Variants in LTBP1 observed in about 807,000 individuals in gnomAD.
The protein encoded by LTBP1 is latent transforming growth factor beta binding protein 1, also known as latent-transforming growth factor beta-binding protein 1.
LTBP1 carries 129 observed loss-of-function variants against 207.6 expected under a neutral mutation model. The observed-to-expected ratio is 0.62, with a 90% confidence interval of 0.54 to 0.72. The LOEUF is 0.72. Ranked by LOEUF, LTBP1 falls within the 30% of genes least tolerant of loss-of-function variation. The pLI, the probability that LTBP1 is intolerant of heterozygous loss-of-function variation, is 0.00. For missense variants in LTBP1, 2,281 were observed against 2,217.2 expected, an observed-to-expected ratio of 1.03 and a Z score of -0.58; for synonymous variants, 963 against 833.7, an observed-to-expected ratio of 1.16 and a Z score of -2.67.
At chr2:33,291,834 G>A (rs2093780514) in intron 19 of LTBP1, 2 of 152,206 alleles carry the variant, frequency 1.3e-5, no homozygotes, top group African/African-American at 2.4e-5. Flanking sequence ...ATGCAATCTA[G>A]ACTCTGGGTT....
At chr2:33,285,412 T>A (rs929443706) in intron 19 of LTBP1, among the ~76,000 whole-genome samples, 2 of 151,738 alleles carry the variant, frequency 1.3e-5, no homozygotes, top group Non-Finnish European at 2.9e-5. Flanking sequence ...TTAATTCTTC[T>A]TATGTCATTG....
intron 31 of LTBP1, among the ~76,000 whole-genome samples, chr2:33,381,763 A>AT (rs942505633): frequency 6.6e-6 from 1 of 152,074 alleles, no homozygotes; most frequent in Non-Finnish European, 1.5e-5. Context: ...GTATTTAATA[A>AT]TTTTTTTCCC....
At chr2:33,146,678 A>G (rs574389255) in intron 5 of LTBP1, among the ~76,000 whole-genome samples, 33 of 152,320 alleles carry the variant, frequency 2.2e-4, no homozygotes, top group African/African-American at 7.7e-4. Flanking sequence ...GAAGCTTACA[A>G]TCATGGTGGA....
intron 9 of LTBP1, among the ~76,000 whole-genome samples, chr2:33,228,591 T>C: frequency 6.6e-6 from 1 of 151,890 alleles, no homozygotes; most frequent in Admixed American, 6.6e-5. Context: ...AACAATCCTA[T>C]GAGATTTGGG....
chr2:33,217,454 G>A, intron 7 of LTBP1, 98 bp from the exon 8 acceptor site: 1 of 671,174 alleles, frequency 1.5e-6, no homozygotes, highest in South Asian at 2.1e-5. Flanking sequence ...CGATAACAAG[G>A]GAACTGGTTT....
chr2:33,149,075 C>T (rs1001238335), intron 5 of LTBP1, among the ~76,000 whole-genome samples: 6 of 151,742 alleles, frequency 4.0e-5, no homozygotes, highest in Non-Finnish European at 5.9e-5. Flanking sequence ...ATTAGCTGGG[C>T]GTGGTGGCAG....
At chr2:33,019,101 G>A (rs1371830602) in intron 2 of LTBP1, among the ~76,000 whole-genome samples, 1 of 152,062 alleles carries the variant, frequency 6.6e-6, no homozygotes, top group Non-Finnish European at 1.5e-5. Context: ...TGTTCGTTTT[G>A]CTTGTCTATT....
intron 7 of LTBP1, among the ~76,000 whole-genome samples, chr2:33,216,568 A>G (rs1222433359): frequency 1.3e-5 from 2 of 152,136 alleles, no homozygotes; most frequent in Admixed American, 6.5e-5. Flanking sequence ...TTGTCTTTGG[A>G]AAGACAACTC....
At chr2:33,350,269 T>G (rs1309691817) in intron 26 of LTBP1, among the ~76,000 whole-genome samples, 1 of 152,186 alleles carries the variant, frequency 6.6e-6, no homozygotes, top group Non-Finnish European at 1.5e-5. Flanking sequence ...GGACAATCTA[T>G]ATTCCAACAA....
chr2:33,307,400 G>T (rs1229988285), intron 22 of LTBP1, among the ~76,000 whole-genome samples: 1 of 152,172 alleles, frequency 6.6e-6, no homozygotes, highest in African/African-American at 2.4e-5. Context: ...CTTATCAAAA[G>T]GTGAATGAGT....
chr2:32,949,465 A>G (rs1445535031), intron 2 of LTBP1, among the ~76,000 whole-genome samples: 1 of 152,228 alleles, frequency 6.6e-6, no homozygotes, highest in African/African-American at 2.4e-5. Flanking sequence ...GCTGCTCTTC[A>G]GAACTGATGG....
intron 2 of LTBP1, among the ~76,000 whole-genome samples, chr2:33,010,369 C>A (rs1343213551): frequency 6.6e-6 from 1 of 152,086 alleles, no homozygotes; most frequent in Non-Finnish European, 1.5e-5. Context: ...AGGAAGAGTG[C>A]ATGGGTGTGT....
At chr2:33,221,153 A>G (rs1482891604) in intron 8 of LTBP1, among the ~76,000 whole-genome samples, 1 of 152,200 alleles carries the variant, frequency 6.6e-6, no homozygotes, top group Non-Finnish European at 1.5e-5. Context: ...TGCAGGACAT[A>G]GCAATGGCAT....
At chr2:33,194,574 A>C (rs1212626780) in intron 7 of LTBP1, among the ~76,000 whole-genome samples, 2 of 152,236 alleles carry the variant, frequency 1.3e-5, no homozygotes, top group East Asian at 3.8e-4. Context: ...AACTTTCTTC[A>C]ATTCTCTGAA....
At position 33,361,454 on chromosome 2, in the gene LTBP1, A is replaced by T. The variant is rs772318384; in HGVS notation, c.4209A>T (p.Lys1403Asn). ...GTAEFTEMCP[K>N]GKGFVPAGES... Reference sequence around the variant, plus strand: ...CTGAGTTCACTGAAATGTGTCCCAAAGGGAAAGGTTTTGTGCCTGCTGGAG... The same window carrying T: ...CTGAGTTCACTGAAATGTGTCCCAATGGGAAAGGTTTTGTGCCTGCTGGAG... Residue 1403 changes from lysine to asparagine, a missense_variant, in exon 28 of 34, where the codon AAA becomes AAT. This residue lies in a region of LTBP1 where 1,671 missense variants were observed against 1,634.8 expected (regional missense o/e 1.02). Transcript: ENST00000404816. The T allele has an allele frequency of 1.2e-6, 2 of 1,612,346 alleles. No homozygotes were observed. The highest frequency in any genetic ancestry group is 1.7e-6 in the Non-Finnish European group (2 of 1,179,108).
chr2:33,300,660 T>A (rs1422517005), intron 21 of LTBP1, 87 bp downstream of exon 21: 49 of 1,370,872 alleles, frequency 3.6e-5, no homozygotes, highest in Non-Finnish European at 2.0e-6. Context: ...GAGTTTACCT[T>A]TTAAAAATTA....
intron 6 of LTBP1, 150 bp from the exon 7 acceptor site, chr2:33,188,427 C>CAAAAAAATAA (rs2087449090): frequency 2.9e-6 from 1 of 344,226 alleles, no homozygotes; most frequent in Non-Finnish European, 4.9e-6. Flanking sequence ...AACTCCATCT[C>CAAAAAAATAA]AAAAAAAAAA....
intron 18 of LTBP1, among the ~76,000 whole-genome samples, chr2:33,278,814 T>C (rs1247054674): frequency 1.3e-5 from 2 of 152,114 alleles, no homozygotes; most frequent in Non-Finnish European, 2.9e-5. Context: ...TCCCAGAACA[T>C]CTGACCTAAA....
chr2:33,346,218 CTT>C (rs1360237820), intron 25 of LTBP1, among the ~76,000 whole-genome samples: 1 of 152,184 alleles, frequency 6.6e-6, no homozygotes, highest in Non-Finnish European at 1.5e-5. Flanking sequence ...CTATAGGAGT[CTT>C]TCCTTCATTT....
Sources: allele counts gnomAD v4.1 joint callset (sites outside exome capture counted in the v4.1 genomes callset), GRCh38; gene constraint gnomAD v4.1.1; regional missense constraint gnomAD v4.1.1; transcripts MANE v1.5; gene names NCBI Gene and HGNC (gene_info 2026-07-23, HGNC 2026-07-21).